The following CORO2B variants were observed in gnomAD, a reference collection of about 807,000 sequenced individuals.
CORO2B encodes coronin-2B.
In CORO2B, 26 loss-of-function variants were observed where a neutral mutation model predicts 58.8. That is an observed-to-expected ratio of 0.44 (90% CI 0.32 to 0.61). CORO2B has a LOEUF of 0.61. CORO2B is among the 20% of genes least tolerant of loss of function. CORO2B has a pLI of 0.04. For synonymous variants in CORO2B, 242 were observed against 253.8 expected (o/e 0.95, Z 0.44); for missense variants, 460 against 645.1 (o/e 0.71, Z 3.11).
At chr15:68,668,630 A>G (rs1275133882) in intron 2 of CORO2B, among the ~76,000 whole-genome samples, 3 of 152,304 alleles carry the variant, frequency 2.0e-5, no homozygotes, top group Non-Finnish European at 1.5e-5. Flanking sequence ...TGGGAAGCCA[A>G]TGGTAGTCAG....
chr15:68,555,084 T>A, the CORO2B span, among the ~76,000 whole-genome samples: 1 of 152,152 alleles, frequency 6.6e-6, no homozygotes, highest in East Asian at 1.9e-4. Context: ...AACATGTAGC[T>A]CACTCTTCAG....
intron 2 of CORO2B, among the ~76,000 whole-genome samples, chr15:68,694,650 T>TC (rs1199924083): frequency 6.6e-6 from 1 of 152,098 alleles, no homozygotes; most frequent in African/African-American, 2.4e-5. Flanking sequence ...GGAAAGAGCC[T>TC]CCTCCTGATC....
chr15:68,715,355 G>A (rs766901386), intron 8 of CORO2B, 44 bp downstream of exon 8: 37 of 1,413,244 alleles, frequency 2.6e-5, no homozygotes, highest in African/African-American at 5.6e-5. Flanking sequence ...CTCATGGCAC[G>A]GGAGGACATC....
chr15:68,661,496 A>G (rs1902013526), intron 2 of CORO2B, among the ~76,000 whole-genome samples: 1 of 152,226 alleles, frequency 6.6e-6, no homozygotes, highest in African/African-American at 2.4e-5. Flanking sequence ...TTGTACAAAG[A>G]CTACCAGCTG....
intron 1 of CORO2B, among the ~76,000 whole-genome samples, chr15:68,603,080 G>A (rs1417544377): frequency 6.6e-6 from 1 of 152,172 alleles, no homozygotes; most frequent in Non-Finnish European, 1.5e-5. Flanking sequence ...AGGATAGGAG[G>A]TGAGAGACAT....
intron 2 of CORO2B, among the ~76,000 whole-genome samples, chr15:68,688,420 T>G (rs1432780147): frequency 6.6e-6 from 1 of 152,186 alleles, no homozygotes; most frequent in Non-Finnish European, 1.5e-5. Flanking sequence ...ATCACCAACA[T>G]GATGCTCAAA....
At chr15:68,567,421 C>T in the CORO2B span, among the ~76,000 whole-genome samples, 1 of 152,140 alleles carries the variant, frequency 6.6e-6, no homozygotes, top group Non-Finnish European at 1.5e-5. Context: ...AGGGAAGTCA[C>T]CAGGAGATAC....
the CORO2B span, among the ~76,000 whole-genome samples, chr15:68,526,289 T>G: frequency 7.9e-5 from 12 of 152,306 alleles, no homozygotes; most frequent in African/African-American, 2.6e-4. Context: ...TGCCTAGGGG[T>G]ACAATTGCTG....
At chr15:68,595,931 G>T (rs954356773) in intron 1 of CORO2B, among the ~76,000 whole-genome samples, 1 of 152,156 alleles carries the variant, frequency 6.6e-6, no homozygotes, top group African/African-American at 2.4e-5. Flanking sequence ...CTAGGTGAGG[G>T]AAGGAGCAGC....
chr15:68,688,948 A>T (rs1892290344), intron 2 of CORO2B, among the ~76,000 whole-genome samples: 2 of 150,606 alleles, frequency 1.3e-5, no homozygotes, highest in Non-Finnish European at 3.0e-5. Context: ...GGGGCTGGGG[A>T]TCAGGTTGTA....
intron 1 of CORO2B, among the ~76,000 whole-genome samples, chr15:68,598,950 G>A (rs1190789793): frequency 6.6e-6 from 1 of 152,152 alleles, no homozygotes; most frequent in Non-Finnish European, 1.5e-5. Flanking sequence ...TCTGGACTAG[G>A]AGAGTGAGGC....
upstream of CORO2B, chr15:68,578,878 C>G: frequency 2.8e-6 from 1 of 360,210 alleles, no homozygotes; most frequent in Non-Finnish European, 3.9e-6. The surrounding 1 kb of genome is among the most constrained non-coding windows in gnomAD (Gnocchi z 4.2). Flanking sequence ...GGGGCACGGC[C>G]GCTGGCGGGC....
At chr15:68,667,555 TG>T (rs1358954521) in intron 2 of CORO2B, among the ~76,000 whole-genome samples, 3 of 152,206 alleles carry the variant, frequency 2.0e-5, no homozygotes, top group East Asian at 3.8e-4. Flanking sequence ...AGATGAGTCT[TG>T]GCCAAAGCCC....
chr15:68,673,831 C>T (rs1298621465), intron 2 of CORO2B, among the ~76,000 whole-genome samples: 9 of 81,748 alleles, frequency 1.1e-4, no homozygotes, highest in Admixed American at 1.1e-3. Context: ...AGCGAGACTC[C>T]GTCTAAAAAA....
the CORO2B span, among the ~76,000 whole-genome samples, chr15:68,572,862 C>A: frequency 6.6e-6 from 1 of 152,190 alleles, no homozygotes; most frequent in Non-Finnish European, 1.5e-5. Context: ...CCATCATGGC[C>A]CCAAGGAGAT....
At chr15:68,624,567 G>A (rs148400708) in intron 1 of CORO2B, among the ~76,000 whole-genome samples, 3 of 152,170 alleles carry the variant, frequency 2.0e-5, no homozygotes, top group African/African-American at 7.2e-5. Context: ...TATTAGTTGT[G>A]CATTCAAATC....
chr15:68,696,795 G>C (rs1277923233), intron 3 of CORO2B, among the ~76,000 whole-genome samples: 1 of 152,206 alleles, frequency 6.6e-6, no homozygotes, highest in Non-Finnish European at 1.5e-5. Context: ...GGAGGGCCTG[G>C]TGTTCCCAGA....
chr15:68,696,675 T>C (rs1439775094), intron 3 of CORO2B, among the ~76,000 whole-genome samples: 2 of 152,024 alleles, frequency 1.3e-5, no homozygotes, highest in African/African-American at 4.8e-5. Context: ...GCGCTGGCAG[T>C]GGCCTTCCAG....
intron 2 of CORO2B, among the ~76,000 whole-genome samples, chr15:68,661,203 C>T (rs1427697494): frequency 6.6e-6 from 1 of 152,128 alleles, no homozygotes; most frequent in East Asian, 1.9e-4. Context: ...GTCTCGAACT[C>T]CTGTCCTCAA....
Sources: allele counts gnomAD v4.1 joint callset (sites outside exome capture counted in the v4.1 genomes callset), GRCh38; gene constraint gnomAD v4.1.1; non-coding constraint Gnocchi (gnomAD v3.1); transcripts MANE v1.5; gene names NCBI Gene and HGNC (gene_info 2026-07-23, HGNC 2026-07-21).